SLC6A12: variants seen among roughly 807,000 people sequenced by gnomAD.
The protein encoded by SLC6A12 is solute carrier family 6 member 12.
In SLC6A12, 50 loss-of-function variants were observed where a neutral mutation model predicts 73.3. The ratio of observed to expected loss-of-function variants is 0.68; its 90% confidence interval spans 0.54 to 0.86. The LOEUF (loss-of-function observed/expected upper bound fraction) is 0.86. Among genes scored for constraint, SLC6A12 ranks in the 40% least tolerant of loss-of-function variants. The pLI, the probability that SLC6A12 is intolerant of heterozygous loss-of-function variation, is 0.00. For synonymous variants in SLC6A12, 304 were observed against 309.2 expected, an observed-to-expected ratio of 0.98 and a Z score of 0.18; for missense variants, 648 against 772.8, an observed-to-expected ratio of 0.84 and a Z score of 1.92.
rs375383683 is a variant in SLC6A12 at position 195,208 on chromosome 12, C to G, written c.1429+17G>C. On this transcript the variant is annotated intron_variant, in intron 13 of 15. Coordinates refer to ENST00000684302, the MANE Select transcript of SLC6A12 (RefSeq NM_001122848.3). ...TTTCTCCCACCCTGCTTTCCCACCC[C>G]ACTCCACCCCACTCACCATACACCC... 2 of 1,524,172 alleles carry G rather than the reference C, an allele frequency of 1.3e-6. No individual in the cohort carries two copies. The highest frequency in any genetic ancestry group is 2.7e-5 in the African/African-American group (2 of 73,146). The allele number at this position is 1,524,172 out of a possible 1,614,324, so 94.4% of individuals were successfully genotyped here. A position where few individuals can be genotyped will look rare whatever the true frequency, so the allele number is the denominator to read the frequency against.
chr12:190,851 T>C lies in SLC6A12; in HGVS notation c.*217A>G. On this transcript the variant is annotated 3_prime_UTR_variant, in exon 16 of 16. Coordinates refer to ENST00000684302, the MANE Select transcript of SLC6A12 (RefSeq NM_001122848.3). Reference sequence around the variant, plus strand: ...TCCCACAGGGAGTGGCGTCCCAACATGGCACGTCCCAGTGGTGGTGTTATC... The same window carrying C: ...TCCCACAGGGAGTGGCGTCCCAACACGGCACGTCCCAGTGGTGGTGTTATC... 2.6e-6 allele frequency: 1 copy of C among 381,336 alleles called. No individual in the cohort carries two copies. The highest frequency in any genetic ancestry group is 4.6e-6 in the Non-Finnish European group (1 of 217,140). 23.6% of individuals were successfully genotyped at this position (381,336 alleles called of 1,614,324 possible).
Position 209,808 on chromosome 12 carries a change from C to G in SLC6A12, c.179G>C (p.Trp60Ser). 1.9e-6 allele frequency: 3 copies of G among 1,614,224 alleles called. No individual in the cohort carries two copies. Among genetic ancestry groups the G allele is most frequent in the Non-Finnish European group, 2.5e-6 (3 of 1,180,040 alleles). Residue 60 changes from tryptophan (W) to serine (S), a missense_variant, in exon 3 of 16, where the codon TGG becomes TCG. Coordinates refer to ENST00000684302, the MANE Select transcript of SLC6A12 (RefSeq NM_001122848.3). The part of the protein sequence containing the change: ...AGEIIGLGNV[W>S]RFPYLCYKNG... The stretch of plus-strand genomic sequence containing the variant: ...TTTGTAGCAGAGATAGGGAAACCTC[C>G]AGACATTGCCCAGCCCAATGATCTC...
the SLC6A12 span, among the ~76,000 whole-genome samples, chr12:185,060 A>G: frequency 5.4e-3 from 815 of 152,328 alleles, 4 homozygotes; most frequent in African/African-American, 0.019. Flanking sequence ...GATAAGAGAA[A>G]GAATCATGAT....
Position 204,715 on chromosome 12 carries a change from G to C in SLC6A12, c.215-17C>G, listed in dbSNP as rs778959808. 16 of 1,613,502 alleles carry C rather than the reference G, an allele frequency of 9.9e-6. No individual in the cohort carries two copies. In the South Asian group the frequency reaches 1.8e-4, roughly 18 times the overall value. On this transcript the variant is annotated splice_polypyrimidine_tract_variant and intron_variant, in intron 3 of 15. Transcript: ENST00000684302. Reference sequence around the variant, plus strand: ...AGAAGGCTCCTGCAGAAGAGAGAGAGGCAGGGCTGAGCCACACCCGGGCTC... The same window carrying C: ...AGAAGGCTCCTGCAGAAGAGAGAGACGCAGGGCTGAGCCACACCCGGGCTC...
chr12:206,225 A>G (rs2300126), intron 3 of SLC6A12, among the ~76,000 whole-genome samples: 69,144 of 151,878 alleles, frequency 0.46, 15,937 homozygotes, highest in Middle Eastern at 0.55. Flanking sequence ...CACGTTAAAC[A>G]CTAACTCCCC....
At chr12:185,124 A>T (rs1357794405), downstream of SLC6A12, among the ~76,000 whole-genome samples, 1 of 152,184 alleles carries the variant, frequency 6.6e-6, no homozygotes, top group Admixed American at 6.5e-5. Flanking sequence ...TATGTAAAAC[A>T]CCCTAAAGAA....
At position 192,590 on chromosome 12, in the gene SLC6A12, A is replaced by C. The variant is rs1336594542; in HGVS notation, c.1589T>G (p.Val530Gly). 1.2e-6 allele frequency: 2 copies of C among 1,614,160 alleles called. No individual in the cohort carries two copies. The highest frequency in any genetic ancestry group is 1.7e-6 in the Non-Finnish European group (2 of 1,180,022). The change falls in exon 15 of 16, where the codon GTG becomes GGG. Residue 530 changes from valine to glycine, a missense_variant. Transcript: ENST00000684302. ...AATGGAGTATCCCCAGGGCGGGTACACATAGACGTTGTTGTACTTGAGGGG... is the reference window on the plus strand; with the variant it reads ...AATGGAGTATCCCCAGGGCGGGTACCCATAGACGTTGTTGTACTTGAGGGG... ...YTPLKYNNVY[V>G]YPPWGYSIGW... is the part of the protein sequence containing the mutation.
At chr12:185,671 G>A (rs115177657), downstream of SLC6A12, among the ~76,000 whole-genome samples, 740 of 152,286 alleles carry the variant, frequency 4.9e-3, 10 homozygotes, top group African/African-American at 0.016. Flanking sequence ...GGCATCATCT[G>A]GCAACTTGCA....
chr12:194,868 T>A (rs12319731), intron 13 of SLC6A12, among the ~76,000 whole-genome samples: 1 of 152,132 alleles, frequency 6.6e-6, no homozygotes, highest in African/African-American at 2.4e-5. Flanking sequence ...GTGTGGGAGT[T>A]TGCGGAGGAT....
rs1311992101 is a variant in SLC6A12 at position 192,337 on chromosome 12, C to T, written c.1701+141G>A. On this transcript the variant is annotated intron_variant, in intron 15 of 15. Transcript: ENST00000684302. ...CTGGACTGGTCTTCAAAGTTCGTCT[C>T]GTTAAGATTCTGTGAGACTGAAGGG... The T allele has an allele frequency of 1.3e-5, 9 of 707,074 alleles. No homozygotes were observed. The East Asian group carries it at 1.3e-4, about 10-fold the overall frequency. 43.8% of individuals were successfully genotyped at this position (707,074 alleles called of 1,614,324 possible). A position where few individuals can be genotyped will look rare whatever the true frequency, so the allele number is the denominator to read the frequency against.
chr12:188,974 G>A (rs1345193599), downstream of SLC6A12, among the ~76,000 whole-genome samples: 1 of 152,238 alleles, frequency 6.6e-6, no homozygotes, highest in Non-Finnish European at 1.5e-5. Flanking sequence ...GAGCTTGCGG[G>A]ACAGGCTGTG....
the SLC6A12 span, among the ~76,000 whole-genome samples, chr12:184,907 T>C: frequency 6.8e-6 from 1 of 146,232 alleles, no homozygotes; most frequent in Non-Finnish European, 1.5e-5. Flanking sequence ...CGCTCCAGCC[T>C]GGGGGACAGA....
At chr12:200,106 CTTTTTTTTTTTTTT>C (rs33929668) in intron 7 of SLC6A12, among the ~76,000 whole-genome samples, 26 of 104,578 alleles carry the variant, frequency 2.5e-4, no homozygotes, top group Admixed American at 1.1e-3. Context: ...CCTGAATATT[CTTTTTTTTTTTTTT>C]TTTTTTTTGA....
downstream of SLC6A12, among the ~76,000 whole-genome samples, chr12:185,115 A>G (rs1389595351): frequency 6.6e-6 from 1 of 152,200 alleles, no homozygotes; most frequent in East Asian, 1.9e-4. Context: ...CTGAGTGTCT[A>G]TGTAAAACAC....
Position 202,620 on chromosome 12 carries a change from C to A in SLC6A12, c.490+120G>T. 3.9e-6 allele frequency: 4 copies of A among 1,024,430 alleles called. No homozygotes were observed. In the South Asian group the frequency reaches 5.2e-5, roughly 13 times the overall value. The allele number at this position is 1,024,430 out of a possible 1,614,324, so 63.5% of individuals were successfully genotyped here. A position where few individuals can be genotyped will look rare whatever the true frequency, so the allele number is the denominator to read the frequency against. On this transcript the variant is annotated intron_variant, in intron 5 of 15. Coordinates refer to ENST00000684302, the MANE Select transcript of SLC6A12 (RefSeq NM_001122848.3). ...AGGAGCAGAGCTGCCCAGGAGCCCA[C>A]GTGGCTTGGCTGCCAGGCAGGTTCT...
chr12:184,618 C>T, the SLC6A12 span, among the ~76,000 whole-genome samples: 178 of 152,138 alleles, frequency 1.2e-3, no homozygotes, highest in Middle Eastern at 6.8e-3. Flanking sequence ...GGCGTGGTGG[C>T]GGGCGCCTGT....
chr12:210,282 G>A (rs548401789), intron 2 of SLC6A12: 82 of 1,183,014 alleles, frequency 6.9e-5, no homozygotes, highest in Admixed American at 1.1e-4. Flanking sequence ...ACTCAGGAGT[G>A]GAACCGTGAT....
At chr12:208,862 T>A (rs533070282) in intron 3 of SLC6A12, among the ~76,000 whole-genome samples, 1 of 152,260 alleles carries the variant, frequency 6.6e-6, no homozygotes, top group Admixed American at 6.5e-5. Flanking sequence ...CACTGCTAAT[T>A]TTTACACCCA....
intron 11 of SLC6A12, among the ~76,000 whole-genome samples, chr12:196,510 G>T (rs1211722581): frequency 6.6e-6 from 1 of 152,206 alleles, no homozygotes; most frequent in East Asian, 1.9e-4. Flanking sequence ...GCTGGGGCTG[G>T]GCAGCTCGAG....
Sources: gnomAD v4.1 joint callset for allele counts (sites outside exome capture counted in the v4.1 genomes callset) on GRCh38, gnomAD v4.1.1 for gene constraint, MANE v1.5 for transcripts, NCBI Gene and HGNC (gene_info 2026-07-23, HGNC 2026-07-21) for gene names.